Variants in DHX8 observed in about 807,000 individuals in gnomAD.
DHX8 encodes DEAH-box helicase 8.
Under a neutral mutation model 140.7 loss-of-function variants are expected in DHX8, and 67 were observed. The ratio of observed to expected loss-of-function variants is 0.48; its 90% confidence interval spans 0.39 to 0.58. DHX8 has a LOEUF of 0.58. DHX8 is among the 20% of genes least tolerant of loss of function. The pLI is 0.00. For synonymous variants in DHX8, 533 were observed against 553.2 expected, an observed-to-expected ratio of 0.96 and a Z score of 0.51; for missense variants, 887 against 1,550.7, an observed-to-expected ratio of 0.57 and a Z score of 7.19.
intron 17 of DHX8, among the ~76,000 whole-genome samples, chr17:43,516,103 CT>C (rs1376557022): frequency 2.6e-5 from 4 of 152,038 alleles, no homozygotes; most frequent in African/African-American, 9.7e-5. Context: ...TCATTCCAGT[CT>C]TTTTTCATGT....
intron 22 of DHX8, among the ~76,000 whole-genome samples, chr17:43,523,412 GA>G (rs1970482826): frequency 6.6e-6 from 1 of 152,236 alleles, no homozygotes; most frequent in Non-Finnish European, 1.5e-5. Flanking sequence ...GCCAGGACTA[GA>G]ATACATTCTC....
At chr17:43,534,489 G>A (rs892340738) in intron 2 of DHX8, among the ~76,000 whole-genome samples, 4 of 151,522 alleles carry the variant, frequency 2.6e-5, no homozygotes, top group Non-Finnish European at 1.5e-5. Flanking sequence ...GCGAGACTCC[G>A]TCTCAAAAAG....
chr17:43,501,356 G>A (rs1969185137), intron 11 of DHX8, among the ~76,000 whole-genome samples: 1 of 152,186 alleles, frequency 6.6e-6, no homozygotes, highest in South Asian at 2.1e-4. Flanking sequence ...TGTGTGGATG[G>A]AATAGAGAGA....
At chr17:43,516,180 TATTTA>T (rs1044224626) in intron 17 of DHX8, among the ~76,000 whole-genome samples, 3 of 152,172 alleles carry the variant, frequency 2.0e-5, no homozygotes, top group Non-Finnish European at 4.4e-5. Flanking sequence ...TTTTTTTGAG[TATTTA>T]ATTTTCCTAT....
intron 11 of DHX8, among the ~76,000 whole-genome samples, chr17:43,503,049 A>G (rs546567767): frequency 5.3e-4 from 81 of 152,098 alleles, no homozygotes; most frequent in Admixed American, 2.0e-4. Flanking sequence ...TCAAGCCACA[A>G]TTCCAAGGTG....
chr17:43,533,736 G>T, intron 2 of DHX8: 1 of 1,278,902 alleles, frequency 7.8e-7, no homozygotes, highest in Non-Finnish European at 1.1e-6. Context: ...CCTTACAAGT[G>T]CTAGAAAATC....
At chr17:43,529,594 A>G (rs1487161830), downstream of DHX8, 1 of 1,614,112 alleles carries the variant, frequency 6.2e-7, no homozygotes, top group South Asian at 1.1e-5. Flanking sequence ...AGGCCACCAG[A>G]AATTGCCACA....
intron 16 of DHX8, among the ~76,000 whole-genome samples, chr17:43,511,454 GC>G (rs1969819725): frequency 1.2e-4 from 1 of 8,512 alleles, no homozygotes; most frequent in African/African-American, 4.3e-4. Context: ...TGTGATCCCA[GC>G]ATTTTTTTTT....
At chr17:43,544,725 T>C (rs569757482), downstream of DHX8, 13 of 411,290 alleles carry the variant, frequency 3.2e-5, no homozygotes, top group South Asian at 6.1e-4. Flanking sequence ...CCCCACACAA[T>C]GGTCTGATTC....
intron 9 of DHX8, 124 bp downstream of exon 9, chr17:43,496,392 C>CA (rs201406887): frequency 6.1e-3 from 2,996 of 492,392 alleles, no homozygotes; most frequent in South Asian, 0.01. Context: ...ACTCATCTCT[C>CA]AAAAAAAAAA....
chr17:43,526,277 G>C, downstream of DHX8: 1 of 1,354,096 alleles, frequency 7.4e-7, no homozygotes, highest in South Asian at 1.7e-5. Context: ...AGAGAGCTGG[G>C]ATCTTCTTGG....
chr17:43,528,782 G>A (rs181292340), downstream of DHX8: 589 of 1,571,932 alleles, frequency 3.7e-4, 5 homozygotes, highest in Middle Eastern at 9.1e-3. Context: ...CTGGCTAGCC[G>A]CCCAGCCTTT....
Position 43,524,124 on chromosome 17 carries a change from GACAATTTGTGCAGCTC to G in DHX8, c.*278_*293del, listed in dbSNP as rs1230147697. 12 of 1,276,114 alleles carry G rather than the reference GACAATTTGTGCAGCTC, an allele frequency of 9.4e-6. No homozygotes were observed. Among genetic ancestry groups the G allele is most frequent in the Non-Finnish European group, 1.1e-5 (11 of 1,001,430 alleles). The allele number at this position is 1,276,114 out of a possible 1,614,324, so 79.0% of individuals were successfully genotyped here. A position where few individuals can be genotyped will look rare whatever the true frequency, so the allele number is the denominator to read the frequency against. On this transcript the variant is annotated 3_prime_UTR_variant, in exon 23 of 23. Coordinates refer to ENST00000262415, the MANE Select transcript of DHX8 (RefSeq NM_004941.3). Reference sequence around the variant, plus strand: ...CACATTGCATCAACTTCAAGAAAGGGACAATTTGTGCAGCTCCAGGATGGGAAGGTGGAGTGGGTGA... The same window carrying G: ...CACATTGCATCAACTTCAAGAAAGGGCAGGATGGGAAGGTGGAGTGGGTGA...
chr17:43,526,681 C>A, downstream of DHX8: 2 of 1,522,700 alleles, frequency 1.3e-6, no homozygotes, highest in Admixed American at 2.0e-5. Context: ...AGCTAACTCC[C>A]TCTCTCTTCG....
chr17:43,496,503 C>G (rs973938040), intron 9 of DHX8, among the ~76,000 whole-genome samples: 1 of 152,056 alleles, frequency 6.6e-6, no homozygotes, highest in African/African-American at 2.4e-5. Flanking sequence ...CAGGGCCAGG[C>G]ATGGTGGCTC....
chr17:43,526,763 T>C, downstream of DHX8: 4 of 1,236,298 alleles, frequency 3.2e-6, no homozygotes, highest in Non-Finnish European at 4.2e-6. Flanking sequence ...TTGGCTTTAA[T>C]GTGGAATTAA....
intron 13 of DHX8, 57 bp from the exon 14 acceptor site, chr17:43,507,446 G>C (rs1969557985): frequency 6.6e-7 from 1 of 1,512,188 alleles, no homozygotes. Flanking sequence ...ATCTTGCCTG[G>C]TGATTGGGAA....
intron 17 of DHX8, among the ~76,000 whole-genome samples, chr17:43,513,982 G>A (rs1969983987): frequency 6.6e-6 from 1 of 151,772 alleles, no homozygotes; most frequent in Admixed American, 6.6e-5. Context: ...CAAAGTGCTG[G>A]GATTACAGGT....
intron 16 of DHX8, among the ~76,000 whole-genome samples, chr17:43,512,386 C>CA (rs373398276): frequency 0.31 from 31,208 of 99,980 alleles, 3,914 homozygotes; most frequent in Middle Eastern, 0.41. Flanking sequence ...GACTCTATCT[C>CA]AAAAAAAAAA....
Sources: allele counts gnomAD v4.1 joint callset (sites outside exome capture counted in the v4.1 genomes callset), GRCh38; gene constraint gnomAD v4.1.1; transcripts MANE v1.5; gene names NCBI Gene and HGNC (gene_info 2026-07-23, HGNC 2026-07-21).